The following TAS2R1 variants were observed in gnomAD, a reference collection of about 807,000 sequenced individuals.
TAS2R1 encodes taste receptor type 2 member 1.
For synonymous variants in TAS2R1, 141 were observed against 134.2 expected (o/e 1.05, Z -0.35); for missense variants, 370 against 353.4 (o/e 1.05, Z -0.38).
chr5:9,768,039 G>A, the TAS2R1 span, among the ~76,000 whole-genome samples: 1 of 151,794 alleles, frequency 6.6e-6, no homozygotes, highest in Non-Finnish European at 1.5e-5. Context: ...CGACAGGCAT[G>A]ATCTCTCTCC....
intron 1 of TAS2R1, among the ~76,000 whole-genome samples, chr5:9,671,744 C>T (rs996570714): frequency 4.6e-5 from 7 of 152,046 alleles, no homozygotes; most frequent in African/African-American, 1.7e-4. Context: ...AATGCTATTC[C>T]TATCAAACTA....
At chr5:9,714,749 T>G (rs976797494), upstream of TAS2R1, among the ~76,000 whole-genome samples, 1 of 152,240 alleles carries the variant, frequency 6.6e-6, no homozygotes, top group Non-Finnish European at 1.5e-5. Context: ...AAGCCTTTCA[T>G]GTTCCAAAGG....
the TAS2R1 span, among the ~76,000 whole-genome samples, chr5:9,847,321 T>TA: frequency 6.6e-6 from 1 of 152,218 alleles, no homozygotes; most frequent in Non-Finnish European, 1.5e-5. Flanking sequence ...GATCCTTTTT[T>TA]AAAAAAGTTC....
At chr5:9,825,203 T>C in the TAS2R1 span, among the ~76,000 whole-genome samples, 2 of 152,238 alleles carry the variant, frequency 1.3e-5, no homozygotes, top group Non-Finnish European at 2.9e-5. Context: ...AGGCTGCTAA[T>C]AGAGACATAC....
intron 1 of TAS2R1, among the ~76,000 whole-genome samples, chr5:9,696,978 A>C (rs943979235): frequency 1.3e-5 from 2 of 152,132 alleles, no homozygotes; most frequent in African/African-American, 2.4e-5. Flanking sequence ...ACGCCATTGC[A>C]CTCCAACCTG....
At chr5:9,699,483 CCAAGT>C (rs1322828931) in intron 1 of TAS2R1, among the ~76,000 whole-genome samples, 2 of 152,174 alleles carry the variant, frequency 1.3e-5, no homozygotes, top group Non-Finnish European at 2.9e-5. Context: ...TGAGCCACTA[CCAAGT>C]CACAGAGATT....
chr5:9,880,488 G>A, the TAS2R1 span, among the ~76,000 whole-genome samples: 4 of 152,154 alleles, frequency 2.6e-5, no homozygotes, highest in Non-Finnish European at 5.9e-5. Flanking sequence ...CTAGACCATG[G>A]TTTCTCAATA....
At chr5:9,830,363 G>A in the TAS2R1 span, among the ~76,000 whole-genome samples, 5 of 152,142 alleles carry the variant, frequency 3.3e-5, 1 homozygote, top group African/African-American at 1.2e-4. Flanking sequence ...ACAGATGATT[G>A]ACAGATAGGT....
chr5:9,842,312 C>CTTTTT, the TAS2R1 span, among the ~76,000 whole-genome samples: 136 of 120,356 alleles, frequency 1.1e-3, 5 homozygotes, highest in African/African-American at 1.4e-3. Context: ...GTCTTTCTTT[C>CTTTTT]TCTCTTTTTT....
intron 1 of TAS2R1, among the ~76,000 whole-genome samples, chr5:9,686,209 A>G (rs1741121870): frequency 6.6e-6 from 1 of 152,140 alleles, no homozygotes; most frequent in South Asian, 2.1e-4. Flanking sequence ...CTGTTACACA[A>G]GATCTTCATT....
At chr5:9,754,228 C>G in the TAS2R1 span, among the ~76,000 whole-genome samples, 36 of 152,124 alleles carry the variant, frequency 2.4e-4, no homozygotes, top group African/African-American at 8.5e-4. Flanking sequence ...TAAAAACTCT[C>G]AATAAATTAG....
the TAS2R1 span, among the ~76,000 whole-genome samples, chr5:9,779,440 T>C: frequency 3.3e-5 from 5 of 152,226 alleles, no homozygotes; most frequent in African/African-American, 1.2e-4. Flanking sequence ...GTTTAACCAT[T>C]TCTAGCTTTT....
chr5:9,724,110 T>C, the TAS2R1 span, among the ~76,000 whole-genome samples: 1 of 152,210 alleles, frequency 6.6e-6, no homozygotes, highest in African/African-American at 2.4e-5. Flanking sequence ...AAGAACAGTC[T>C]TCAATTCCTG....
intron 1 of TAS2R1, among the ~76,000 whole-genome samples, chr5:9,686,192 G>A (rs1012661999): frequency 6.6e-6 from 1 of 152,150 alleles, no homozygotes; most frequent in Non-Finnish European, 1.5e-5. Context: ...GCTGCGATCG[G>A]ATGACCCTGT....
At chr5:9,697,621 G>T (rs1741386227) in intron 1 of TAS2R1, among the ~76,000 whole-genome samples, 1 of 152,100 alleles carries the variant, frequency 6.6e-6, no homozygotes, top group Non-Finnish European at 1.5e-5. Flanking sequence ...TGAGAAGATA[G>T]ATATTTTTGT....
chr5:9,853,679 T>C, the TAS2R1 span, among the ~76,000 whole-genome samples: 5 of 152,240 alleles, frequency 3.3e-5, no homozygotes, highest in Admixed American at 3.3e-4. Flanking sequence ...TGGCGATATC[T>C]AGGTCTTCTA....
chr5:9,723,479 G>C, the TAS2R1 span, among the ~76,000 whole-genome samples: 2 of 152,130 alleles, frequency 1.3e-5, no homozygotes, highest in East Asian at 3.9e-4. Flanking sequence ...CTCAACTCCT[G>C]CCACACCTGT....
At chr5:9,800,421 G>A in the TAS2R1 span, among the ~76,000 whole-genome samples, 1 of 152,176 alleles carries the variant, frequency 6.6e-6, no homozygotes, top group African/African-American at 2.4e-5. Context: ...AGCAGCCTTT[G>A]TGGTGGGAGG....
the TAS2R1 span, among the ~76,000 whole-genome samples, chr5:9,753,860 A>T: frequency 6.6e-6 from 1 of 152,162 alleles, no homozygotes; most frequent in Non-Finnish European, 1.5e-5. Flanking sequence ...ATGGTTGTAG[A>T]TATGCGGCAT....
Sources: allele counts gnomAD v4.1 joint callset (sites outside exome capture counted in the v4.1 genomes callset), GRCh38; gene constraint gnomAD v4.1.1; transcripts MANE v1.5; gene names NCBI Gene and HGNC (gene_info 2026-07-23, HGNC 2026-07-21).